Variants in GRID2 observed in about 807,000 individuals in gnomAD.
GRID2 encodes the protein glutamate ionotropic receptor delta type subunit 2.
GRID2 carries 33 observed loss-of-function variants against 114.8 expected under a neutral mutation model. The observed-to-expected ratio is 0.29, with a 90% CI of 0.22 to 0.38. The LOEUF (loss-of-function observed/expected upper bound fraction) is 0.38. Ranked by LOEUF, GRID2 falls within the 10% of genes least tolerant of loss-of-function variation. The pLI is 1.00. For synonymous variants in GRID2, 505 were observed against 449.9 expected, an observed-to-expected ratio of 1.12 and a Z score of -1.55; for missense variants, 1,184 against 1,257.7, an observed-to-expected ratio of 0.94 and a Z score of 0.89.
intron 2 of GRID2, among the ~76,000 whole-genome samples, chr4:92,888,909 A>C (rs2149466708): frequency 6.6e-6 from 1 of 152,202 alleles, no homozygotes; most frequent in Admixed American, 6.5e-5. Flanking sequence ...GCTACATATT[A>C]TCTGTATATG....
chr4:92,791,527 A>G (rs908595359), intron 2 of GRID2, among the ~76,000 whole-genome samples: 4 of 151,918 alleles, frequency 2.6e-5, no homozygotes, highest in Admixed American at 6.6e-5. Context: ...AAAGAATTAT[A>G]CAGTGCTAAC....
intron 10 of GRID2, among the ~76,000 whole-genome samples, chr4:93,448,093 T>C (rs1647956518): frequency 6.6e-6 from 1 of 151,780 alleles, no homozygotes; most frequent in South Asian, 2.1e-4. Flanking sequence ...GATTAGATAA[T>C]AATATGAAAT....
chr4:93,043,126 C>G (rs564248032), intron 2 of GRID2, among the ~76,000 whole-genome samples: 3 of 152,184 alleles, frequency 2.0e-5, no homozygotes, highest in South Asian at 2.1e-4. Flanking sequence ...GCATAAGAGA[C>G]TTGAGTATAA....
chr4:93,186,091 T>C lies in GRID2; in HGVS notation c.736-21313T>C, dbSNP rs182261336. On this transcript the variant is annotated intron_variant, in intron 4 of 15. Transcript: ENST00000282020. ...GGACATGAACTCATCCTTTCTTTTATGGCTGCATAGTATTCCATGGTGTAT... is the reference window on the plus strand; with the variant it reads ...GGACATGAACTCATCCTTTCTTTTACGGCTGCATAGTATTCCATGGTGTAT... Among the ~76,000 whole-genome samples the C allele has an allele frequency of 4.3e-3, 650 of 152,334 alleles. 3 individuals carry two copies. The highest frequency in any genetic ancestry group is 0.015 in the African/African-American group (612 of 41,576).
chr4:93,431,642 A>G (rs917124433), intron 10 of GRID2, among the ~76,000 whole-genome samples: 1 of 152,150 alleles, frequency 6.6e-6, no homozygotes, highest in African/African-American at 2.4e-5. Flanking sequence ...GGTGAAAATG[A>G]CATGCATATG....
chr4:92,748,446 C>G (rs1037574177), intron 2 of GRID2, among the ~76,000 whole-genome samples: 6 of 151,946 alleles, frequency 3.9e-5, no homozygotes, highest in Non-Finnish European at 7.4e-5. Context: ...TGATCTCCAT[C>G]CCACCAGCAA....
At chr4:92,700,993 CAAAA>C (rs781142253) in intron 2 of GRID2, among the ~76,000 whole-genome samples, 3 of 83,844 alleles carry the variant, frequency 3.6e-5, no homozygotes, top group African/African-American at 1.5e-4. Context: ...GACTCCATCT[CAAAA>C]AAAAAAAAAA....
intron 2 of GRID2, among the ~76,000 whole-genome samples, chr4:92,611,303 C>G (rs1229306677): frequency 6.6e-6 from 1 of 151,484 alleles, no homozygotes; most frequent in Admixed American, 6.6e-5. Flanking sequence ...GTTGAGGACT[C>G]TCCACTTAGG....
intron 2 of GRID2, among the ~76,000 whole-genome samples, chr4:92,809,485 A>G (rs1438942689): frequency 6.6e-6 from 1 of 151,902 alleles, no homozygotes; most frequent in Non-Finnish European, 1.5e-5. Flanking sequence ...TACGTTTAAT[A>G]TTTTGGGGAA....
intron 13 of GRID2, among the ~76,000 whole-genome samples, chr4:93,573,005 A>C (rs1049775749): frequency 1.3e-5 from 2 of 152,156 alleles, no homozygotes; most frequent in South Asian, 2.1e-4. Context: ...ACCAGGGCCC[A>C]GATCTTTATC....
chr4:93,099,329 T>C (rs1731503076), intron 3 of GRID2, among the ~76,000 whole-genome samples: 1 of 151,666 alleles, frequency 6.6e-6, no homozygotes, highest in Admixed American at 6.6e-5. Flanking sequence ...TTAGTTTATA[T>C]TTATTTGTTT....
chr4:93,397,960 C>T (rs1468033784), intron 9 of GRID2, among the ~76,000 whole-genome samples: 1 of 151,194 alleles, frequency 6.6e-6, no homozygotes, highest in Non-Finnish European at 1.5e-5. Context: ...AGATGCAGAA[C>T]CTGTGGATAT....
At chr4:93,700,986 G>A (rs1727459755) in intron 14 of GRID2, among the ~76,000 whole-genome samples, 1 of 151,778 alleles carries the variant, frequency 6.6e-6, no homozygotes, top group Non-Finnish European at 1.5e-5. Flanking sequence ...TGAATATGAA[G>A]GTGTCATTGT....
At chr4:92,601,512 C>G (rs1447149931) in intron 2 of GRID2, among the ~76,000 whole-genome samples, 2 of 152,120 alleles carry the variant, frequency 1.3e-5, no homozygotes, top group African/African-American at 2.4e-5. Flanking sequence ...ATACCAGATT[C>G]TCTGGGACAT....
intron 1 of GRID2, among the ~76,000 whole-genome samples, chr4:92,410,841 T>A (rs2110299823): frequency 6.6e-6 from 1 of 150,914 alleles, no homozygotes; most frequent in Non-Finnish European, 1.5e-5. Flanking sequence ...AAGCATTTTT[T>A]TTTTTTTTTT....
At chr4:93,628,448 G>A (rs1042078316) in intron 14 of GRID2, among the ~76,000 whole-genome samples, 1 of 152,136 alleles carries the variant, frequency 6.6e-6, no homozygotes, top group African/African-American at 2.4e-5. Context: ...AAAGGAAAAT[G>A]AGTGAAAGCT....
At chr4:92,498,528 C>A (rs766209131) in intron 1 of GRID2, among the ~76,000 whole-genome samples, 41 of 151,866 alleles carry the variant, frequency 2.7e-4, no homozygotes, top group African/African-American at 9.2e-4. Context: ...TTTAAAATAT[C>A]ATTTGCTTTT....
At chr4:92,999,644 G>A (rs1175353702) in intron 2 of GRID2, among the ~76,000 whole-genome samples, 2 of 151,408 alleles carry the variant, frequency 1.3e-5, no homozygotes, top group Non-Finnish European at 3.0e-5. Context: ...TATTCCTTTA[G>A]CATAGATTTT....
chr4:92,439,193 A>T (rs555088218), intron 1 of GRID2, among the ~76,000 whole-genome samples: 1 of 152,194 alleles, frequency 6.6e-6, no homozygotes, highest in East Asian at 1.9e-4. Context: ...TTGAGCCAGG[A>T]TGAGCCAGGA....
Sources: allele counts gnomAD v4.1 joint callset (sites outside exome capture counted in the v4.1 genomes callset), GRCh38; gene constraint gnomAD v4.1.1; transcripts MANE v1.5; gene names NCBI Gene and HGNC (gene_info 2026-07-23, HGNC 2026-07-21).